Variants in CUL7 observed in about 807,000 individuals in gnomAD.
CUL7 encodes cullin 7.
A neutral mutation model predicts 177.7 loss-of-function variants in CUL7; 96 were observed. The observed-to-expected ratio is 0.54, with a 90% CI of 0.46 to 0.64. CUL7 has a LOEUF of 0.64. Among genes scored for constraint, CUL7 ranks in the 30% least tolerant of loss-of-function variants. The pLI is 0.00. For missense variants in CUL7, 1,893 were observed against 2,187.9 expected, an observed-to-expected ratio of 0.87 and a Z score of 2.69; for synonymous variants, 824 against 890.2, an observed-to-expected ratio of 0.93 and a Z score of 1.32.
In CUL7 at chr6:43,053,475, C is replaced by T. The variant is rs1764624925; in HGVS notation, c.-9+147G>A. 1 of 502,056 alleles carries T rather than the reference C, an allele frequency of 2.0e-6. No individual in the cohort carries two copies. The highest frequency in any genetic ancestry group is 5.5e-5 in the South Asian group (1 of 18,306). The allele number at this position is 502,056 out of a possible 1,614,324, so 31.1% of individuals were successfully genotyped here. On this transcript the variant is annotated intron_variant, in intron 1 of 25. Coordinates refer to ENST00000265348, the MANE Select transcript of CUL7 (RefSeq NM_014780.5). This position sits in a 1 kb window ranked among gnomAD's most constrained non-coding sequence, Gnocchi z 4.1. ...GGAGACTGGAGAAGCCAGGGGCGCG[C>T]GGTAAGGTGGGGGAGAGGGGATTAG...
rs767245065 is a variant in CUL7 at position 43,046,271 on chromosome 6, G to A, written c.2625C>T (p.Tyr875=). The A allele has an allele frequency of 6.2e-7, 1 of 1,614,250 alleles. No homozygotes were observed. The highest frequency in any genetic ancestry group is 1.1e-5 in the South Asian group (1 of 91,090). ...TGCCCCGGCGCATGTGCAGGGTGAT[G>A]TAGTGGGAGCCGGCGCTGCCGTTGG... ...WESNGSAGSH[Y]ITLHMRRGIL... The change falls in exon 12 of 26, where the codon TAC becomes TAT. Residue 875 remains tyrosine (Y), a synonymous_variant. Transcript: ENST00000265348.
chr6:43,041,335 G>A (rs1415816008), intron 19 of CUL7, among the ~76,000 whole-genome samples: 1 of 152,164 alleles, frequency 6.6e-6, no homozygotes, highest in Admixed American at 6.5e-5. Flanking sequence ...AAGACCAGGC[G>A]CAGTTCACGC....
In CUL7 at chr6:43,053,819, T is replaced by A; in HGVS notation, c.-206A>T. 6.5e-7 allele frequency: 1 copy of A among 1,532,780 alleles called. No homozygotes were observed. The highest frequency in any genetic ancestry group is 1.4e-5 in the African/African-American group (1 of 72,966). 94.9% of individuals were successfully genotyped at this position (1,532,780 alleles called of 1,614,324 possible). On this transcript the variant is annotated 5_prime_UTR_variant, in exon 1 of 26. Transcript: ENST00000265348. This position sits in a 1 kb window ranked among gnomAD's most constrained non-coding sequence, Gnocchi z 4.1. ...GCCACTGGGGCAGGGTGGGGCCCGG[T>A]CCCTGCCAGCGGCTCCGCCAGCCAA...
At chr6:43,039,045 G>A in intron 22 of CUL7, 58 bp from the exon 23 acceptor site, 1 of 1,169,962 alleles carries the variant, frequency 8.5e-7, no homozygotes, top group African/African-American at 1.5e-5. Flanking sequence ...GTTGGTGTTG[G>A]AGGGAGGGTG....
rs1763141623 is a variant in CUL7 at position 43,038,490 on chromosome 6, C to G, written c.4568-18G>C. The G allele has an allele frequency of 1.2e-6, 2 of 1,613,984 alleles. No homozygotes were observed. The highest frequency in any genetic ancestry group is 1.7e-6 in the Non-Finnish European group (2 of 1,179,898). ...GAGGACCCCTGAAATAAATGCTGAT[C>G]ACTCACTCAGTGGAGAGCCCACGAG... On this transcript the variant is annotated intron_variant, in intron 24 of 25. Coordinates refer to ENST00000265348, the MANE Select transcript of CUL7 (RefSeq NM_014780.5).
At position 43,048,381 on chromosome 6, in the gene CUL7, T is replaced by A. The variant is rs147475487; in HGVS notation, c.2014A>T (p.Ser672Cys). Reference protein sequence around the residue: ...QPQPFLALMQSLDTPETNRTL... With the variant: ...QPQPFLALMQCLDTPETNRTL... ...CTGTTAGTCTCCGGAGTGTCCAGGC[T>A]CTGCATCAGTGCCAGGAAGGGCTGC... is the stretch of plus-strand genomic sequence containing the variant. The change falls in exon 8 of 26, where the codon AGC becomes TGC. Residue 672 changes from serine (S) to cysteine (C), a missense_variant. Coordinates refer to ENST00000265348, the MANE Select transcript of CUL7 (RefSeq NM_014780.5). 9.9e-6 allele frequency: 16 copies of A among 1,613,038 alleles called. No homozygotes were observed. In the African/African-American group the frequency reaches 2.0e-4, roughly 20 times the overall value.
chr6:43,040,891 C>T lies in CUL7; in HGVS notation c.3806+24G>A. The T allele has an allele frequency of 6.2e-7, 1 of 1,612,156 alleles. No homozygotes were observed. The highest frequency in any genetic ancestry group is 1.3e-5 in the African/African-American group (1 of 75,008). Reference sequence around the variant, plus strand: ...ACCATCATCCTGCCTCCCGCCAGCTCCCGCTCCTTAGGTCCACACTCACTG... The same window carrying T: ...ACCATCATCCTGCCTCCCGCCAGCTTCCGCTCCTTAGGTCCACACTCACTG... On this transcript the variant is annotated intron_variant, in intron 20 of 25. Transcript: ENST00000265348. The surrounding 1 kb of genome is among the most constrained non-coding windows in gnomAD (Gnocchi z 4.2).
intron 16 of CUL7, 99 bp downstream of exon 16, chr6:43,044,653 C>A: frequency 6.6e-7 from 1 of 1,506,068 alleles, no homozygotes; most frequent in South Asian, 1.3e-5. Flanking sequence ...CCAAAAGGGC[C>A]AGGACATAAT....
Position 43,052,248 on chromosome 6 carries a change from C to T in CUL7, c.541G>A (p.Ala181Thr). ...GACAGGGCTTGTATCATCCGGCCTG[C>T]ACTCCAGCGAATCTGATAATCAGGA... ...SSPDYQIRWSAGRMIQALSSH... is the reference protein window; with the variant it reads ...SSPDYQIRWSTGRMIQALSSH... The change falls in exon 2 of 26, where the codon GCA becomes ACA. Residue 181 changes from alanine to threonine, a missense_variant. Ala to Thr is a moderately conservative substitution (Grantham distance 58). Coordinates refer to ENST00000265348, the MANE Select transcript of CUL7 (RefSeq NM_014780.5). The surrounding 1 kb of genome is among the most constrained non-coding windows in gnomAD (Gnocchi z 4.5). 1 of 1,614,242 alleles carries T rather than the reference C, an allele frequency of 6.2e-7. No homozygotes were observed. Among genetic ancestry groups the T allele is most frequent in the Non-Finnish European group, 8.5e-7 (1 of 1,180,044 alleles).
chr6:43,051,843 C>T lies in CUL7; in HGVS notation c.581-80G>A. 1 of 1,550,894 alleles carries T rather than the reference C, an allele frequency of 6.4e-7. No homozygotes were observed. The highest frequency in any genetic ancestry group is 8.9e-7 in the Non-Finnish European group (1 of 1,123,956). ...TCTTAGACCCTCTACTCTTTCAATCCAATCCTTTTGCCACCACACAATGAG... is the reference window on the plus strand; with the variant it reads ...TCTTAGACCCTCTACTCTTTCAATCTAATCCTTTTGCCACCACACAATGAG... On this transcript the variant is annotated intron_variant, in intron 2 of 25. Transcript: ENST00000265348. The surrounding 1 kb of genome is among the most constrained non-coding windows in gnomAD (Gnocchi z 5.0).
At position 43,038,703 on chromosome 6, in the gene CUL7, C is replaced by G. The variant is rs746343754; in HGVS notation, c.4441-11G>C. The G allele has an allele frequency of 6.2e-7, 1 of 1,614,030 alleles. No homozygotes were observed. Among genetic ancestry groups the G allele is most frequent in the Admixed American group, 1.7e-5 (1 of 60,016 alleles). On this transcript the variant is annotated splice_polypyrimidine_tract_variant and intron_variant, in intron 23 of 25. Coordinates refer to ENST00000265348, the MANE Select transcript of CUL7 (RefSeq NM_014780.5). ...CTCCACAGAGACCGCCTTCAGAGAA[C>G]AGATGGGAGACATTCAGGGCCTCCC...
At position 43,045,349 on chromosome 6, in the gene CUL7, C is replaced by T. The variant is rs200219528; in HGVS notation, c.2916G>A (p.Thr972=). Residue 972 remains threonine, a synonymous_variant, in exon 15 of 26, where the codon ACG becomes ACA. Coordinates refer to ENST00000265348, the MANE Select transcript of CUL7 (RefSeq NM_014780.5). This position sits in a 1 kb window ranked among gnomAD's most constrained non-coding sequence, Gnocchi z 4.8. ...GCTGCTCCCGGAACACTGGCCAGAA[C>T]GTGGGCTTGGGGCCTAGGATCTCTA... The part of the protein sequence containing the change: ...RGLEILGPKP[T]FWPVFREQLC... The T allele has an allele frequency of 1.3e-4, 205 of 1,614,118 alleles. 1 individual carries two copies. The highest frequency in any genetic ancestry group is 1.7e-4 in the Non-Finnish European group (200 of 1,180,050).
chr6:43,051,261 C>T lies in CUL7; in HGVS notation c.940G>A (p.Asp314Asn). The stretch of plus-strand genomic sequence containing the variant: ...CTCCTTGGTCTGTCTGAGGCCTGGT[C>T]CCAGCGCATGGCTTGCACCAGCTCC... ...ISELVQAMRW[D>N]QASDRPRSSA... Residue 314 changes from aspartate to asparagine, a missense_variant, in exon 4 of 26, where the codon GAC (aspartate) becomes AAC (asparagine). Around this residue, in one of 5 missense-constraint regions of CUL7, gnomAD observed 653 missense variants for 725.2 expected, o/e 0.90. Transcript: ENST00000265348. The surrounding 1 kb of genome is among the most constrained non-coding windows in gnomAD (Gnocchi z 5.0). 4.3e-6 allele frequency: 7 copies of T among 1,612,966 alleles called. No individual in the cohort carries two copies. The highest frequency in any genetic ancestry group is 5.9e-6 in the Non-Finnish European group (7 of 1,179,192).
At position 43,038,936 on chromosome 6, in the gene CUL7, G is replaced by A. The variant is rs144111004; in HGVS notation, c.4346C>T (p.Thr1449Met). Reference protein sequence around the residue: ...ERGSQRRLQWTWLGWAELQFG... With the variant: ...ERGSQRRLQWMWLGWAELQFG... ...CTGCAGCTCAGCCCAGCCCAGCCAC[G>A]TCCACTGCAGTCGCCTCTGTGAGCC... Residue 1449 changes from threonine (T) to methionine (M), a missense_variant, in exon 23 of 26, where the codon ACG (threonine) becomes ATG (methionine). This residue lies in a region of CUL7 where 973 missense variants were observed against 1,140.9 expected (regional missense o/e 0.85). Transcript: ENST00000265348. 186 of 1,612,926 alleles carry A rather than the reference G, an allele frequency of 1.2e-4. No homozygotes were observed. Among genetic ancestry groups the A allele is most frequent in the Non-Finnish European group, 1.4e-4 (164 of 1,178,972 alleles).
At position 43,049,403 on chromosome 6, in the gene CUL7, C is replaced by G. The variant is rs1346590952; in HGVS notation, c.1825+4G>C. 6.2e-7 allele frequency: 1 copy of G among 1,614,138 alleles called. No individual in the cohort carries two copies. The highest frequency in any genetic ancestry group is 1.3e-5 in the African/African-American group (1 of 75,036). Reference sequence around the variant, plus strand: ...TCAGCTCAGCTGCTGTGTCTGGCACCCACCTTCCACTTTGGCTGCATCTTC... The same window carrying G: ...TCAGCTCAGCTGCTGTGTCTGGCACGCACCTTCCACTTTGGCTGCATCTTC... On this transcript the variant is annotated splice_donor_region_variant and intron_variant, in intron 7 of 25. Coordinates refer to ENST00000265348, the MANE Select transcript of CUL7 (RefSeq NM_014780.5).
In CUL7 at chr6:43,048,639, ACT is replaced by A. The variant is rs1272426875; in HGVS notation, c.1826-72_1826-71del. 4 of 1,049,378 alleles carry A rather than the reference ACT, an allele frequency of 3.8e-6. No individual in the cohort carries two copies. In the South Asian group the frequency reaches 4.1e-5, roughly 11 times the overall value. The allele number at this position is 1,049,378 out of a possible 1,614,324, so 65.0% of individuals were successfully genotyped here. A position where few individuals can be genotyped will look rare whatever the true frequency, so the allele number is the denominator to read the frequency against. On this transcript the variant is annotated intron_variant, in intron 7 of 25. Coordinates refer to ENST00000265348, the MANE Select transcript of CUL7 (RefSeq NM_014780.5). ...GTGAAGGCTCAGAAATAGATTCATAACTCTCAATCTTTTTCTCTAATTTCTCC... is the reference window on the plus strand; with the variant it reads ...GTGAAGGCTCAGAAATAGATTCATAACTCAATCTTTTTCTCTAATTTCTCC...
Position 43,043,068 on chromosome 6 carries a change from G to C in CUL7, c.3462+6C>G. The C allele has an allele frequency of 6.2e-7, 1 of 1,613,894 alleles. No homozygotes were observed. The highest frequency in any genetic ancestry group is 8.5e-7 in the Non-Finnish European group (1 of 1,179,828). On this transcript the variant is annotated splice_donor_region_variant and intron_variant, in intron 18 of 25. Coordinates refer to ENST00000265348, the MANE Select transcript of CUL7 (RefSeq NM_014780.5). This position sits in a 1 kb window ranked among gnomAD's most constrained non-coding sequence, Gnocchi z 4.2. ...CCCTCTCTCCCGCAGGCCTGCTCCT[G>C]CCCACCTGCTTCTCCACCACGGCCC...
chr6:43,049,730 TA>T, intron 6 of CUL7, 68 bp from the exon 7 acceptor site: 1 of 1,597,520 alleles, frequency 6.3e-7, no homozygotes, highest in Non-Finnish European at 8.5e-7. Context: ...GAGCACTTGG[TA>T]GGGGTGGGGG....
Position 43,038,617 on chromosome 6 carries a change from T to C in CUL7, c.4516A>G (p.Thr1506Ala). ...AGGTCCAGGGGGCCTCTTGAAGAGG[T>C]GAGGGGCCCAATCGCCTGATTGAGC... Reference protein sequence around the residue: ...DMLNQAIGPLTSSRGPLDLHE... With the variant: ...DMLNQAIGPLASSRGPLDLHE... The change falls in exon 24 of 26, where the codon ACC (threonine) becomes GCC (alanine). Residue 1506 changes from threonine to alanine, a missense_variant. Physicochemically the swap from Thr to Ala is moderately conservative, Grantham distance 58. Coordinates refer to ENST00000265348, the MANE Select transcript of CUL7 (RefSeq NM_014780.5). The C allele has an allele frequency of 6.2e-7, 1 of 1,613,576 alleles. No homozygotes were observed. The highest frequency in any genetic ancestry group is 1.3e-5 in the African/African-American group (1 of 74,868).
Sources: allele counts gnomAD v4.1 joint callset (sites outside exome capture counted in the v4.1 genomes callset), GRCh38; gene constraint gnomAD v4.1.1; regional missense constraint gnomAD v4.1.1; non-coding constraint Gnocchi (gnomAD v3.1); transcripts MANE v1.5; gene names NCBI Gene and HGNC (gene_info 2026-07-23, HGNC 2026-07-21).